Variants in CD5 observed in about 807,000 individuals in gnomAD.
CD5 encodes the protein CD5 molecule, also known as T-cell surface glycoprotein CD5.
Under a neutral mutation model 60.3 loss-of-function variants are expected in CD5, and 36 were observed. The ratio of observed to expected loss-of-function variants is 0.60; its 90% CI spans 0.46 to 0.79. The LOEUF is 0.79. Among genes scored for constraint, CD5 ranks in the 30% least tolerant of loss-of-function variants. The probability of loss-of-function intolerance (pLI) is 0.00; values close to 1 mark genes in which losing one functional copy is unlikely to be tolerated. For synonymous variants in CD5, 230 were observed against 257.6 expected, an observed-to-expected ratio of 0.89 and a Z score of 1.03; for missense variants, 540 against 630.6, an observed-to-expected ratio of 0.86 and a Z score of 1.54.
upstream of CD5, among the ~76,000 whole-genome samples, chr11:61,097,968 C>T (rs1350641920): frequency 6.6e-6 from 1 of 152,166 alleles, no homozygotes; most frequent in African/African-American, 2.4e-5. Context: ...CGACTACTTG[C>T]TAGCAGCTGA....
intron 6 of CD5, 101 bp downstream of exon 6, chr11:61,122,005 A>T: frequency 9.4e-7 from 1 of 1,060,310 alleles, no homozygotes; most frequent in Non-Finnish European, 1.3e-6. Context: ...GGGGAGCTAG[A>T]CAGAGAGTCC....
chr11:61,118,443 A>C lies in CD5; in HGVS notation c.363A>C (p.Arg121Ser). The change falls in exon 3 of 11, where the codon AGA becomes AGC. Residue 121 changes from arginine (R) to serine (S), a missense_variant. Transcript: ENST00000347785. The surrounding 1 kb of genome is among the most constrained non-coding windows in gnomAD (Gnocchi z 4.7). ...LGSFSNCSHS[R>S]NDMCHSLGLT... ...CCTTCTCCAACTGCAGCCACAGCAG[A>C]AATGACATGTGTCACTCTCTGGGCC... The C allele has an allele frequency of 6.2e-7, 1 of 1,614,254 alleles. No individual in the cohort carries two copies. The highest frequency in any genetic ancestry group is 8.5e-7 in the Non-Finnish European group (1 of 1,180,036).
chr11:61,121,180 G>A (rs1354609399), intron 5 of CD5, among the ~76,000 whole-genome samples: 1 of 152,264 alleles, frequency 6.6e-6, no homozygotes, highest in Non-Finnish European at 1.5e-5. Flanking sequence ...CCAGGCCTCA[G>A]TTTCCCTCTT....
At chr11:61,119,651 G>A in intron 5 of CD5, 76 bp downstream of exon 5, 1 of 1,044,092 alleles carries the variant, frequency 9.6e-7, no homozygotes, top group Non-Finnish European at 1.4e-6. Context: ...CAGAAGGTCA[G>A]GGAACATGTG....
At chr11:61,104,469 T>C (rs1361900910) in intron 1 of CD5, among the ~76,000 whole-genome samples, 1 of 152,138 alleles carries the variant, frequency 6.6e-6, no homozygotes, top group Non-Finnish European at 1.5e-5. Context: ...CAGCTGAGTA[T>C]GGGAACCCGT....
rs1565188521 is a variant in CD5, at chr11:61,126,842, G to A, written c.*557G>A. On this transcript the variant is annotated 3_prime_UTR_variant, in exon 11 of 11. Coordinates refer to ENST00000347785, the MANE Select transcript of CD5 (RefSeq NM_014207.4). ...CAGAGGCTGCTCACCTGAGCACAAA[G>A]ACAGCTCTGCACATTCACCGCAGCT... is the stretch of plus-strand genomic sequence containing the variant. 6.6e-6 allele frequency: 1 copy of A among 152,228 alleles called. No homozygotes were observed. The highest frequency in any genetic ancestry group is 2.4e-5 in the African/African-American group (1 of 41,438). The allele number at this position is 152,228 out of a possible 1,614,324, so 9.4% of individuals were successfully genotyped here. A position where few individuals can be genotyped will look rare whatever the true frequency, so the allele number is the denominator to read the frequency against.
chr11:61,118,813 G>A lies in CD5; in HGVS notation c.401-102G>A, dbSNP rs529112700. 17 of 791,282 alleles carry A rather than the reference G, an allele frequency of 2.1e-5. No individual in the cohort carries two copies. The East Asian group carries it at 4.4e-4, about 21-fold the overall frequency. 49.0% of individuals were successfully genotyped at this position (791,282 alleles called of 1,614,324 possible). On this transcript the variant is annotated intron_variant, in intron 3 of 10. Transcript: ENST00000347785. This position sits in a 1 kb window ranked among gnomAD's most constrained non-coding sequence, Gnocchi z 4.7. ...GGGTCAAGTGGACCTGGTGTGCCAA[G>A]CGGCACTCATGCCAGGAGCTCCTGG...
intron 1 of CD5, among the ~76,000 whole-genome samples, chr11:61,107,582 G>C (rs541188237): frequency 1.3e-5 from 2 of 152,330 alleles, no homozygotes; most frequent in African/African-American, 4.8e-5. Context: ...CACACTTAGA[G>C]GGATGTAAAG....
Position 61,115,084 on chromosome 11 carries a change from G to C in CD5, c.84G>C (p.Trp28Cys). The C allele has an allele frequency of 2.6e-6, 4 of 1,558,056 alleles. No homozygotes were observed. The highest frequency in any genetic ancestry group is 3.5e-6 in the Non-Finnish European group (4 of 1,150,190). The change falls in exon 2 of 11, where the codon TGG (tryptophan) becomes TGC (cysteine). Residue 28 changes from tryptophan (W) to cysteine (C), a missense_variant. By Grantham distance (215) the Trp-to-Cys change is radical (BLOSUM62 -2). Transcript: ENST00000347785. Reference sequence around the variant, plus strand: ...CTTCCTGCCTCGGACGGCTCAGCTGGTATGACCCAGGTAAGGAAGAGCCAC... The same window carrying C: ...CTTCCTGCCTCGGACGGCTCAGCTGCTATGACCCAGGTAAGGAAGAGCCAC... ...LVASCLGRLSWYDPDFQARLT... is the reference protein window; with the variant it reads ...LVASCLGRLSCYDPDFQARLT...
At position 61,118,543 on chromosome 11, in the gene CD5, C is replaced by G; in HGVS notation, c.400+63C>G. On this transcript the variant is annotated intron_variant, in intron 3 of 10. Transcript: ENST00000347785. This position sits in a 1 kb window ranked among gnomAD's most constrained non-coding sequence, Gnocchi z 4.7. The stretch of plus-strand genomic sequence containing the variant: ...GGGCGCCAGCCCCGAGGAGACTGCC[C>G]GAGGCCTGTGATCTAGGGTCTGAGC... 1 of 1,523,796 alleles carries G rather than the reference C, an allele frequency of 6.6e-7. No individual in the cohort carries two copies. Among genetic ancestry groups the G allele is most frequent in the Non-Finnish European group, 9.0e-7 (1 of 1,116,322 alleles). The allele number at this position is 1,523,796 out of a possible 1,614,324, so 94.4% of individuals were successfully genotyped here.
In CD5 at chr11:61,105,297, C is replaced by T. The variant is rs191309235; in HGVS notation, c.55+2682C>T. 1.0e-3 allele frequency among the ~76,000 whole-genome samples: 154 copies of T among 152,350 alleles called. 3 individuals are homozygous for T. Among genetic ancestry groups the T allele is most frequent in the African/African-American group, 3.4e-3 (140 of 41,572 alleles). On this transcript the variant is annotated intron_variant, in intron 1 of 10. Transcript: ENST00000347785. ...TCCCTGACTGGCCTAGCCGATGCGA[C>T]TCTGAAAGCCAGCACTGGGACGTGG...
intron 1 of CD5, among the ~76,000 whole-genome samples, chr11:61,114,769 G>C (rs1237046966): frequency 6.6e-6 from 1 of 152,184 alleles, no homozygotes; most frequent in Non-Finnish European, 1.5e-5. Flanking sequence ...ATCTATATAT[G>C]TGACATTCAC....
At chr11:61,100,193 TCACACACACATCAACATGGAGATCA>T (rs1860646147), upstream of CD5, among the ~76,000 whole-genome samples, 1 of 103,646 alleles carries the variant, frequency 9.6e-6, no homozygotes, top group Non-Finnish European at 1.9e-5. Context: ...AACATGGAGA[TCACACACACATCAACATGGAGATCA>T]CACACACACA....
intron 1 of CD5, among the ~76,000 whole-genome samples, chr11:61,112,071 C>T (rs1422629799): frequency 6.6e-6 from 1 of 152,210 alleles, no homozygotes; most frequent in East Asian, 1.9e-4. Flanking sequence ...TGACTGAAAA[C>T]CCATCCTGAG....
chr11:61,109,283 T>C (rs1045083929), intron 1 of CD5, among the ~76,000 whole-genome samples: 2 of 152,206 alleles, frequency 1.3e-5, no homozygotes, highest in South Asian at 2.1e-4. Flanking sequence ...ACATCCCCCT[T>C]AGTGTGAAAC....
intron 2 of CD5, among the ~76,000 whole-genome samples, chr11:61,117,540 G>A (rs1372166286): frequency 6.6e-6 from 1 of 151,994 alleles, no homozygotes; most frequent in African/African-American, 2.4e-5. Context: ...CCAGGCTGGA[G>A]TGCAGTGGCG....
At chr11:61,111,995 C>T (rs1436905026) in intron 1 of CD5, among the ~76,000 whole-genome samples, 1 of 152,184 alleles carries the variant, frequency 6.6e-6, no homozygotes, top group African/African-American at 2.4e-5. Context: ...AGACGTGCTC[C>T]CCAGACTCTA....
chr11:61,120,319 A>C (rs571017064), intron 5 of CD5, among the ~76,000 whole-genome samples: 1 of 152,324 alleles, frequency 6.6e-6, no homozygotes, highest in African/African-American at 2.4e-5. Flanking sequence ...AAGTGTTCTC[A>C]GTGAAGTCCA....
the CD5 span, among the ~76,000 whole-genome samples, chr11:61,094,392 C>T: frequency 1.3e-5 from 2 of 152,040 alleles, no homozygotes; most frequent in South Asian, 2.1e-4. Flanking sequence ...ATGCCTTTAT[C>T]AGCACTTTGG....
Sources: gnomAD v4.1 joint callset for allele counts (sites outside exome capture counted in the v4.1 genomes callset) on GRCh38, gnomAD v4.1.1 for gene constraint, Gnocchi (gnomAD v3.1) non-coding constraint, MANE v1.5 for transcripts, NCBI Gene and HGNC (gene_info 2026-07-23, HGNC 2026-07-21) for gene names.